Variants in PTPRG observed in about 807,000 individuals in gnomAD.
The protein encoded by PTPRG is protein tyrosine phosphatase receptor type G.
Under a neutral mutation model 165.3 loss-of-function variants are expected in PTPRG, and 102 were observed. The ratio of observed to expected loss-of-function variants is 0.62; its 90% CI spans 0.53 to 0.73. PTPRG has a LOEUF of 0.73. PTPRG is among the 30% of genes least tolerant of loss of function. The pLI is 0.00. For synonymous variants in PTPRG, 675 were observed against 669.5 expected (o/e 1.01, Z -0.13); for missense variants, 1,866 against 1,861.4 (o/e 1.00, Z -0.05).
At chr3:62,177,083 G>A (rs1034677471) in intron 8 of PTPRG, among the ~76,000 whole-genome samples, 5 of 151,896 alleles carry the variant, frequency 3.3e-5, no homozygotes, top group African/African-American at 1.2e-4. Context: ...GGGCAACAGT[G>A]AGACCCCATC....
intron 2 of PTPRG, among the ~76,000 whole-genome samples, chr3:61,932,805 T>C (rs945889074): frequency 2.0e-5 from 3 of 152,184 alleles, no homozygotes; most frequent in Admixed American, 6.5e-5. Context: ...TTGATCTTGA[T>C]TGGCTTTCCC....
intron 2 of PTPRG, among the ~76,000 whole-genome samples, chr3:61,904,719 T>C (rs1377096517): frequency 6.6e-6 from 1 of 152,202 alleles, no homozygotes; most frequent in Non-Finnish European, 1.5e-5. Flanking sequence ...TTAACAAAGG[T>C]GTAAATCCAG....
At chr3:61,938,846 A>C (rs2039543019) in intron 2 of PTPRG, among the ~76,000 whole-genome samples, 1 of 152,202 alleles carries the variant, frequency 6.6e-6, no homozygotes, top group African/African-American at 2.4e-5. Context: ...CATTTTCACT[A>C]TTCAATATCC....
chr3:61,834,143 T>TA (rs1401288352), intron 2 of PTPRG, among the ~76,000 whole-genome samples: 2 of 152,226 alleles, frequency 1.3e-5, no homozygotes, highest in Non-Finnish European at 2.9e-5. Flanking sequence ...GGATGTTTGT[T>TA]ACAGCATCTT....
At chr3:61,736,250 T>C (rs1358660311) in intron 1 of PTPRG, among the ~76,000 whole-genome samples, 1 of 151,574 alleles carries the variant, frequency 6.6e-6, no homozygotes, top group East Asian at 1.9e-4. Flanking sequence ...TGACATAAGG[T>C]TCCTCTGAAA....
At chr3:62,061,935 G>A (rs1700827769) in intron 4 of PTPRG, among the ~76,000 whole-genome samples, 1 of 151,838 alleles carries the variant, frequency 6.6e-6, no homozygotes, top group African/African-American at 2.4e-5. Flanking sequence ...CAGCTGCCTG[G>A]CTTTCTCTTG....
intron 2 of PTPRG, among the ~76,000 whole-genome samples, chr3:61,945,646 A>C (rs1209435105): frequency 6.6e-6 from 1 of 151,914 alleles, no homozygotes; most frequent in African/African-American, 2.4e-5. Context: ...TCTGAGCCAG[A>C]AAGGATACAT....
At chr3:61,626,025 G>GCA (rs199775102) in intron 1 of PTPRG, among the ~76,000 whole-genome samples, 2 of 104,418 alleles carry the variant, frequency 1.9e-5, no homozygotes, top group Middle Eastern at 4.5e-3. Flanking sequence ...TTTTTTTTTG[G>GCA]GGGGGCGGGA....
intron 1 of PTPRG, among the ~76,000 whole-genome samples, chr3:61,738,222 C>G (rs2032798327): frequency 6.9e-6 from 1 of 144,586 alleles, no homozygotes; most frequent in Non-Finnish European, 1.5e-5. Context: ...AAAATGGGTA[C>G]CCAACCACAT....
At chr3:61,919,871 G>A (rs892542900) in intron 2 of PTPRG, among the ~76,000 whole-genome samples, 12 of 152,284 alleles carry the variant, frequency 7.9e-5, no homozygotes, top group Admixed American at 2.0e-4. Flanking sequence ...TACAAAAGGC[G>A]AACAGTCCAG....
intron 1 of PTPRG, among the ~76,000 whole-genome samples, chr3:61,672,688 C>T (rs1333828280): frequency 6.5e-5 from 9 of 138,952 alleles, no homozygotes; most frequent in Admixed American, 3.6e-4. Flanking sequence ...AGCTTCGGCT[C>T]GGCATCAGAG....
intron 7 of PTPRG, among the ~76,000 whole-genome samples, chr3:62,163,760 C>G (rs1005588367): frequency 3.9e-5 from 6 of 152,206 alleles, no homozygotes; most frequent in Non-Finnish European, 1.5e-5. Flanking sequence ...TATCACAACT[C>G]TTTGAATAGT....
chr3:61,852,706 G>T (rs2036997671), intron 2 of PTPRG, among the ~76,000 whole-genome samples: 1 of 152,124 alleles, frequency 6.6e-6, no homozygotes, highest in African/African-American at 2.4e-5. Flanking sequence ...TTGTATTATG[G>T]TGCCTATGTC....
chr3:62,133,481 T>G (rs1213889774), intron 6 of PTPRG, among the ~76,000 whole-genome samples: 1 of 152,228 alleles, frequency 6.6e-6, no homozygotes, highest in African/African-American at 2.4e-5. Flanking sequence ...TCTTTAGACA[T>G]TAGCCAACTC....
At chr3:61,682,744 A>G (rs950176340) in intron 1 of PTPRG, among the ~76,000 whole-genome samples, 43 of 152,184 alleles carry the variant, frequency 2.8e-4, no homozygotes, top group Non-Finnish European at 5.6e-4. Context: ...TCCTTTGTTC[A>G]TGACATTATA....
intron 5 of PTPRG, among the ~76,000 whole-genome samples, chr3:62,088,274 T>G (rs1701816066): frequency 6.6e-6 from 1 of 152,182 alleles, no homozygotes; most frequent in Admixed American, 6.5e-5. Context: ...CAGCCCAAAA[T>G]GTCTGTGCTG....
chr3:61,981,064 G>A (rs2040631123), intron 2 of PTPRG, among the ~76,000 whole-genome samples: 1 of 152,220 alleles, frequency 6.6e-6, no homozygotes, highest in African/African-American at 2.4e-5. Context: ...AGTTCCACAT[G>A]GCTGGGGAGG....
At chr3:62,147,267 G>A (rs1196448805) in intron 6 of PTPRG, among the ~76,000 whole-genome samples, 3 of 152,196 alleles carry the variant, frequency 2.0e-5, no homozygotes, top group Admixed American at 6.5e-5. Context: ...TGGGGTGCAG[G>A]TCAGTGAAGG....
At chr3:61,956,274 T>C (rs900905350) in intron 2 of PTPRG, among the ~76,000 whole-genome samples, 1 of 100,316 alleles carries the variant, frequency 1.0e-5, no homozygotes, top group African/African-American at 3.5e-5. Context: ...GCGTGCACGC[T>C]GTCTCTCTCT....
Sources: gnomAD v4.1 joint callset for allele counts (sites outside exome capture counted in the v4.1 genomes callset) on GRCh38, gnomAD v4.1.1 for gene constraint, MANE v1.5 for transcripts, NCBI Gene and HGNC (gene_info 2026-07-23, HGNC 2026-07-21) for gene names.